The following SH3BGR variants were observed in gnomAD, a reference collection of about 807,000 sequenced individuals.
SH3BGR encodes SH3 domain-binding glutamic acid-rich protein.
Under a neutral mutation model 24.5 loss-of-function variants are expected in SH3BGR, and 29 were observed. The observed-to-expected ratio is 1.18, with a 90% confidence interval of 0.88 to 1.61. The LOEUF is 1.61. Ranked by LOEUF, SH3BGR falls within the 40% of genes most tolerant of loss-of-function variation. The pLI is 0.00. For synonymous variants in SH3BGR, 55 were observed against 65.7 expected, an observed-to-expected ratio of 0.84 and a Z score of 0.79; for missense variants, 162 against 205.8, an observed-to-expected ratio of 0.79 and a Z score of 1.30.
At chr21:39,509,093 G>A in intron 5 of SH3BGR, 66 bp downstream of exon 5, 7 of 1,349,812 alleles carry the variant, frequency 5.2e-6, no homozygotes, top group Non-Finnish European at 7.3e-6. Flanking sequence ...TAGGTGGGAG[G>A]ATTGCAGCTT....
chr21:39,507,478 C>T (rs2078602892), intron 4 of SH3BGR, among the ~76,000 whole-genome samples: 1 of 152,098 alleles, frequency 6.6e-6, no homozygotes, highest in South Asian at 2.1e-4. Context: ...GGATTACAGG[C>T]ATGCGCCACC....
At chr21:39,472,021 T>C (rs761004312) in intron 2 of SH3BGR, among the ~76,000 whole-genome samples, 1 of 152,212 alleles carries the variant, frequency 6.6e-6, no homozygotes, top group Non-Finnish European at 1.5e-5. Context: ...TGATTCTGAT[T>C]TTTAATTCCA....
intron 6 of SH3BGR, among the ~76,000 whole-genome samples, chr21:39,512,966 A>G (rs906564091): frequency 2.6e-5 from 4 of 152,190 alleles, no homozygotes; most frequent in Admixed American, 2.6e-4. Flanking sequence ...CTAGGGCAAC[A>G]TTGCTCATGG....
At chr21:39,494,036 G>A (rs2078349324) in intron 3 of SH3BGR, among the ~76,000 whole-genome samples, 1 of 151,882 alleles carries the variant, frequency 6.6e-6, no homozygotes, top group South Asian at 2.1e-4. Context: ...TTTTCTAGGT[G>A]TATAATATAT....
Position 39,511,559 on chromosome 21 carries a change from G to A in SH3BGR, c.436-121G>A. 3 of 819,158 alleles carry A rather than the reference G, an allele frequency of 3.7e-6. No homozygotes were observed. The highest frequency in any genetic ancestry group is 5.8e-6 in the Non-Finnish European group (3 of 518,138). The allele number at this position is 819,158 out of a possible 1,614,324, so 50.7% of individuals were successfully genotyped here. On this transcript the variant is annotated intron_variant, in intron 5 of 6. Coordinates refer to ENST00000333634, the MANE Select transcript of SH3BGR (RefSeq NM_007341.3). The surrounding 1 kb of genome is among the most constrained non-coding windows in gnomAD (Gnocchi z 4.2). Reference sequence around the variant, plus strand: ...ATTTGTGTGTTGTGTGTGTTTGTTTGTGTGTTGTGTGGTGGGGTGTGGGAG... The same window carrying A: ...ATTTGTGTGTTGTGTGTGTTTGTTTATGTGTTGTGTGGTGGGGTGTGGGAG...
intron 3 of SH3BGR, chr21:39,488,649 G>A (rs1315399417): frequency 3.3e-5 from 12 of 363,854 alleles, no homozygotes; most frequent in East Asian, 2.8e-4. Flanking sequence ...AGGAAGAGAA[G>A]GGCACCATCA....
chr21:39,504,265 G>T (rs1005484441), intron 4 of SH3BGR, among the ~76,000 whole-genome samples: 3 of 152,186 alleles, frequency 2.0e-5, no homozygotes, highest in Admixed American at 6.5e-5. Context: ...AAACATTGAT[G>T]TAGGTTTGTG....
At chr21:39,478,946 C>T (rs2078072136) in intron 3 of SH3BGR, among the ~76,000 whole-genome samples, 1 of 152,172 alleles carries the variant, frequency 6.6e-6, no homozygotes, top group Non-Finnish European at 1.5e-5. Context: ...TCTTTTACAT[C>T]TTCTTCAACT....
intron 5 of SH3BGR, among the ~76,000 whole-genome samples, chr21:39,510,680 T>A (rs1428094435): frequency 6.6e-6 from 1 of 151,964 alleles, no homozygotes; most frequent in Admixed American, 6.6e-5. Context: ...TTCCAATAAT[T>A]ATTTCTTTTG....
chr21:39,472,588 T>G (rs1250358706), intron 2 of SH3BGR, among the ~76,000 whole-genome samples: 1 of 152,194 alleles, frequency 6.6e-6, no homozygotes, highest in Non-Finnish European at 1.5e-5. Context: ...CTTTTAAGAT[T>G]TTTTAGGATC....
At chr21:39,474,667 C>G (rs1162788198) in intron 2 of SH3BGR, among the ~76,000 whole-genome samples, 4 of 152,104 alleles carry the variant, frequency 2.6e-5, no homozygotes, top group African/African-American at 9.7e-5. Flanking sequence ...CTATGTCCCC[C>G]ATGGTCTTGT....
At chr21:39,498,720 G>GT (rs2078439763) in intron 3 of SH3BGR, among the ~76,000 whole-genome samples, 1 of 152,040 alleles carries the variant, frequency 6.6e-6, no homozygotes, top group Non-Finnish European at 1.5e-5. Context: ...CCCCATGCCC[G>GT]TTTCCTCAAA....
intron 3 of SH3BGR, among the ~76,000 whole-genome samples, chr21:39,484,418 G>A (rs1483393733): frequency 1.3e-5 from 2 of 152,130 alleles, no homozygotes; most frequent in African/African-American, 4.8e-5. Context: ...TTTGTTTATT[G>A]TAACTTGCTA....
chr21:39,510,398 T>TACAC (rs34806393), intron 5 of SH3BGR, among the ~76,000 whole-genome samples: 115 of 111,670 alleles, frequency 1.0e-3, no homozygotes, highest in African/African-American at 3.3e-3. Context: ...ACACTGTAGC[T>TACAC]ACACACACAC....
chr21:39,508,935 A>T, intron 4 of SH3BGR, 63 bp from the exon 5 acceptor site: 1 of 1,299,118 alleles, frequency 7.7e-7, no homozygotes, highest in Non-Finnish European at 1.1e-6. Context: ...CTTGATTTTC[A>T]GATTTGACTT....
intron 3 of SH3BGR, among the ~76,000 whole-genome samples, chr21:39,487,000 G>A (rs895166526): frequency 6.6e-6 from 1 of 152,206 alleles, no homozygotes; most frequent in African/African-American, 2.4e-5. Flanking sequence ...TTACAGATGT[G>A]AGCCACCACA....
intron 3 of SH3BGR, among the ~76,000 whole-genome samples, chr21:39,489,918 A>G (rs893787920): frequency 2.6e-5 from 4 of 152,338 alleles, no homozygotes; most frequent in African/African-American, 9.6e-5. Flanking sequence ...TGGTATCACT[A>G]GTGAGTTCAT....
chr21:39,486,162 A>G (rs1482795386), intron 3 of SH3BGR, among the ~76,000 whole-genome samples: 1 of 152,222 alleles, frequency 6.6e-6, no homozygotes, highest in Admixed American at 6.5e-5. Flanking sequence ...TGCTAACAAA[A>G]ATATCTGTAG....
chr21:39,512,900 G>T (rs1194035473), intron 6 of SH3BGR, among the ~76,000 whole-genome samples: 1 of 152,166 alleles, frequency 6.6e-6, no homozygotes. Flanking sequence ...GGTACATGTT[G>T]TATTATTATT....
Sources: allele counts gnomAD v4.1 joint callset (sites outside exome capture counted in the v4.1 genomes callset), GRCh38; gene constraint gnomAD v4.1.1; non-coding constraint Gnocchi (gnomAD v3.1); transcripts MANE v1.5; gene names NCBI Gene and HGNC (gene_info 2026-07-23, HGNC 2026-07-21).